Variants in PTGER3 observed in about 807,000 individuals in gnomAD.
The protein encoded by PTGER3 is prostaglandin E receptor 3, also known as prostaglandin E2 receptor EP3 subtype.
PTGER3 carries 22 observed loss-of-function variants against 34.7 expected under a neutral mutation model. The ratio of observed to expected loss-of-function variants is 0.63; its 90% CI spans 0.45 to 0.91. The LOEUF (loss-of-function observed/expected upper bound fraction) is 0.91, where lower values mean the gene tolerates loss of function less well. Among genes scored for constraint, PTGER3 ranks in the 40% least tolerant of loss-of-function variants. The pLI, the probability that PTGER3 is intolerant of heterozygous loss-of-function variation, is 0.00. For missense variants in PTGER3, 468 were observed against 519.4 expected, an observed-to-expected ratio of 0.90 and a Z score of 0.96; for synonymous variants, 241 against 230.1, an observed-to-expected ratio of 1.05 and a Z score of -0.43.
At chr1:70,922,979 C>A (rs1011755798) in intron 4 of PTGER3, among the ~76,000 whole-genome samples, 1 of 152,076 alleles carries the variant, frequency 6.6e-6, no homozygotes, top group Non-Finnish European at 1.5e-5. Context: ...AGAGCAAAAA[C>A]CTGCTTATGA....
intron 4 of PTGER3, among the ~76,000 whole-genome samples, chr1:70,854,912 T>C (rs1287405559): frequency 1.3e-5 from 2 of 152,152 alleles, no homozygotes; most frequent in Non-Finnish European, 2.9e-5. Context: ...AAAAACAGTA[T>C]AGAGTTTCCT....
At chr1:70,871,852 G>T in intron 4 of PTGER3, among the ~76,000 whole-genome samples, 1 of 151,996 alleles carries the variant, frequency 6.6e-6, no homozygotes, top group East Asian at 1.9e-4. Flanking sequence ...CATATCTAGG[G>T]TCATTCAATT....
chr1:70,959,641 A>G (rs545490748), intron 2 of PTGER3, among the ~76,000 whole-genome samples: 3 of 152,242 alleles, frequency 2.0e-5, no homozygotes, highest in Admixed American at 6.5e-5. Flanking sequence ...GATTACAGGC[A>G]TGAGCCACTG....
At chr1:70,984,036 G>T (rs573460557) in intron 2 of PTGER3, among the ~76,000 whole-genome samples, 19 of 152,224 alleles carry the variant, frequency 1.2e-4, no homozygotes, top group Admixed American at 1.2e-3. Context: ...GTTCTGTATG[G>T]TTTAGCTGTT....
rs1461021413 is a variant in PTGER3, at chr1:71,047,181, A to G, written c.397T>C (p.Phe133Leu). Residue 133 changes from phenylalanine to leucine, a missense_variant, in exon 1 of 4, where the codon TTC (phenylalanine) becomes CTC (leucine). Physicochemically the swap from Phe to Leu is conservative, Grantham distance 22. Transcript: ENST00000306666. ...IDPSGRLCTF[F>L]GLTMTVFGLS... ...CCGAAAACAGTCATGGTCAGCCCGA[A>G]AAAGGTGCAGAGCCGCCCCGACGGG... The G allele has an allele frequency of 6.2e-7, 1 of 1,600,588 alleles. No individual in the cohort carries two copies. The highest frequency in any genetic ancestry group is 2.3e-5 in the East Asian group (1 of 44,164).
At chr1:70,953,740 T>A in intron 3 of PTGER3, 1 of 1,535,638 alleles carries the variant, frequency 6.5e-7, no homozygotes, top group Admixed American at 2.1e-5. Flanking sequence ...GCAACTAGTT[T>A]TAATACTATC....
rs1653056979 is a variant in PTGER3, at chr1:70,971,339, A to G, written c.*391T>C. 6.0e-6 allele frequency: 6 copies of G among 996,314 alleles called. No homozygotes were observed. Among genetic ancestry groups the G allele is most frequent in the Non-Finnish European group, 6.0e-6 (5 of 837,452 alleles). 61.7% of individuals were successfully genotyped at this position (996,314 alleles called of 1,614,324 possible). On this transcript the variant is annotated 3_prime_UTR_variant, in exon 4 of 4. Transcript: ENST00000306666. ...TCATAAGCTTATACTGATTTTTCAA[A>G]CTCATATTGCAAAAGCAAGCTATCA... is the stretch of plus-strand genomic sequence containing the variant.
intron 1 of PTGER3, among the ~76,000 whole-genome samples, chr1:71,017,748 C>G (rs937246138): frequency 6.6e-5 from 10 of 152,152 alleles, no homozygotes; most frequent in African/African-American, 2.2e-4. Flanking sequence ...GCCTCCCCAG[C>G]CATGCTTCCT....
At chr1:70,865,801 A>T (rs761445313) in intron 4 of PTGER3, 1 of 1,366,848 alleles carries the variant, frequency 7.3e-7, no homozygotes, top group Non-Finnish European at 9.8e-7. Context: ...ACCTTGAAGG[A>T]TCAATCACAG....
chr1:70,857,755 C>T (rs539276217), intron 4 of PTGER3, among the ~76,000 whole-genome samples: 1 of 151,990 alleles, frequency 6.6e-6, no homozygotes, highest in Non-Finnish European at 1.5e-5. Context: ...AGGATGGTCT[C>T]GATTTCCCGA....
chr1:71,030,343 G>A (rs1352027150), intron 1 of PTGER3, among the ~76,000 whole-genome samples: 1 of 152,150 alleles, frequency 6.6e-6, no homozygotes, highest in African/African-American at 2.4e-5. Context: ...GATGAAAGCA[G>A]GTTTGCAAGA....
chr1:70,986,665 A>T (rs1654946113), intron 2 of PTGER3, among the ~76,000 whole-genome samples: 1 of 152,198 alleles, frequency 6.6e-6, no homozygotes, highest in African/African-American at 2.4e-5. Flanking sequence ...GAGGACCCAA[A>T]GGGCAGGATC....
intron 1 of PTGER3, among the ~76,000 whole-genome samples, chr1:71,035,468 C>T (rs1659738637): frequency 6.6e-6 from 1 of 152,208 alleles, no homozygotes; most frequent in South Asian, 2.1e-4. Flanking sequence ...CGATTCTAGG[C>T]CAAGCTACTT....
Position 71,047,585 on chromosome 1 carries a change from T to G in PTGER3, c.-8A>C, listed in dbSNP as rs1204667525. The G allele has an allele frequency of 6.6e-7, 1 of 1,525,050 alleles. No homozygotes were observed. The highest frequency in any genetic ancestry group is 8.9e-7 in the Non-Finnish European group (1 of 1,129,624). 94.5% of individuals were successfully genotyped at this position (1,525,050 alleles called of 1,614,324 possible). ...GCCCCGGGTCTCCTTCATGTTGGCT[T>G]CGAGGTGAGGAGGGGATGGCGTCCA... is the stretch of plus-strand genomic sequence containing the variant. On this transcript the variant is annotated 5_prime_UTR_variant, in exon 1 of 4. Coordinates refer to ENST00000306666, the MANE Select transcript of PTGER3 (RefSeq NM_198719.2).
chr1:71,040,620 A>G (rs1358988022), intron 1 of PTGER3, among the ~76,000 whole-genome samples: 1 of 152,136 alleles, frequency 6.6e-6, no homozygotes, highest in Admixed American at 6.5e-5. Flanking sequence ...AAGAAAAAAA[A>G]AAGTATTCAG....
intron 2 of PTGER3, among the ~76,000 whole-genome samples, chr1:70,996,819 G>A (rs920172438): frequency 2.6e-5 from 4 of 151,902 alleles, no homozygotes; most frequent in African/African-American, 4.8e-5. Flanking sequence ...GCCCGCCACC[G>A]CGCCCAGCCT....
intron 4 of PTGER3, among the ~76,000 whole-genome samples, chr1:70,876,288 T>A (rs999139161): frequency 6.6e-6 from 1 of 151,888 alleles, no homozygotes; most frequent in Non-Finnish European, 1.5e-5. Context: ...TGGGTTTTTT[T>A]TTTTTTTGCT....
At chr1:70,890,741 G>T (rs1572564706) in intron 4 of PTGER3, among the ~76,000 whole-genome samples, 1 of 152,102 alleles carries the variant, frequency 6.6e-6, no homozygotes, top group African/African-American at 2.4e-5. Context: ...AGGGAAATTG[G>T]TTTTTATCAT....
intron 2 of PTGER3, chr1:71,010,323 C>T: frequency 3.0e-6 from 3 of 984,706 alleles, no homozygotes; most frequent in African/African-American, 1.7e-5. Flanking sequence ...AAATAATTCA[C>T]TTTATCAGCC....
Sources: allele counts gnomAD v4.1 joint callset (sites outside exome capture counted in the v4.1 genomes callset), GRCh38; gene constraint gnomAD v4.1.1; transcripts MANE v1.5; gene names NCBI Gene and HGNC (gene_info 2026-07-23, HGNC 2026-07-21).